WWOX: variants seen among roughly 807,000 people sequenced by gnomAD.
WWOX encodes WW domain-containing oxidoreductase.
A neutral mutation model predicts 46.2 loss-of-function variants in WWOX; 69 were observed. That is an observed-to-expected ratio of 1.49 (90% CI 1.23 to 1.82). The LOEUF is 1.82. WWOX is among the 40% of genes most tolerant of loss of function. The probability of loss-of-function intolerance (pLI) is 0.00; values close to 1 mark genes in which losing one functional copy is unlikely to be tolerated. For synonymous variants in WWOX, 359 were observed against 202.6 expected, an observed-to-expected ratio of 1.77 and a Z score of -6.56; for missense variants, 919 against 542.6, an observed-to-expected ratio of 1.69 and a Z score of -6.89.
intron 8 of WWOX, among the ~76,000 whole-genome samples, chr16:78,469,429 G>C (rs1462706433): frequency 6.6e-6 from 1 of 152,196 alleles, no homozygotes; most frequent in African/African-American, 2.4e-5. Flanking sequence ...CAAACCAAAA[G>C]TGAGCAACAA....
chr16:79,064,959 G>A (rs1178502373), intron 8 of WWOX, among the ~76,000 whole-genome samples: 2 of 152,158 alleles, frequency 1.3e-5, no homozygotes, highest in African/African-American at 2.4e-5. Context: ...TATAGAGATG[G>A]AGCATGGATG....
intron 8 of WWOX, among the ~76,000 whole-genome samples, chr16:79,024,846 A>C (rs1168796648): frequency 2.0e-5 from 3 of 152,204 alleles, no homozygotes; most frequent in African/African-American, 7.2e-5. Context: ...CTGGGATTAC[A>C]GGCGTGAGCC....
At chr16:78,785,567 A>G (rs1597606102) in intron 8 of WWOX, among the ~76,000 whole-genome samples, 4 of 152,346 alleles carry the variant, frequency 2.6e-5, no homozygotes, top group Admixed American at 2.6e-4. Flanking sequence ...TAAGAAGAAG[A>G]ATAGTATACA....
chr16:78,568,812 T>A (rs1372195804), intron 8 of WWOX, among the ~76,000 whole-genome samples: 2 of 152,228 alleles, frequency 1.3e-5, no homozygotes, highest in African/African-American at 4.8e-5. Flanking sequence ...GGCTGTTAGC[T>A]GTCACAATAT....
At chr16:78,744,891 C>T (rs759828898) in intron 8 of WWOX, among the ~76,000 whole-genome samples, 33 of 152,256 alleles carry the variant, frequency 2.2e-4, no homozygotes, top group Admixed American at 3.9e-4. Flanking sequence ...CTCTAGTTTT[C>T]CTCCAAGCTT....
At chr16:78,251,020 A>G (rs1007529073) in intron 5 of WWOX, among the ~76,000 whole-genome samples, 1 of 152,180 alleles carries the variant, frequency 6.6e-6, no homozygotes, top group Non-Finnish European at 1.5e-5. Flanking sequence ...AGCCCGGACC[A>G]CACATTCAGG....
At chr16:78,494,933 T>C (rs963319791) in intron 8 of WWOX, among the ~76,000 whole-genome samples, 3 of 152,214 alleles carry the variant, frequency 2.0e-5, no homozygotes, top group African/African-American at 7.2e-5. Flanking sequence ...CCTCTTTCGG[T>C]ACTTTGTTGC....
chr16:78,610,911 T>G (rs1017765340), intron 8 of WWOX, among the ~76,000 whole-genome samples: 1 of 152,102 alleles, frequency 6.6e-6, no homozygotes, highest in African/African-American at 2.4e-5. Context: ...CAATTTCTCA[T>G]TAAGCACAGG....
chr16:78,594,149 C>T (rs1422137033), intron 8 of WWOX, among the ~76,000 whole-genome samples: 4 of 152,006 alleles, frequency 2.6e-5, no homozygotes, highest in East Asian at 3.9e-4. Context: ...TAATGCCCAT[C>T]CTTTAACCTG....
intron 8 of WWOX, among the ~76,000 whole-genome samples, chr16:78,609,001 C>T (rs927041910): frequency 4.0e-5 from 6 of 151,616 alleles, no homozygotes; most frequent in Admixed American, 3.9e-4. Context: ...ATATTTGATT[C>T]TTCATATTTG....
intron 8 of WWOX, among the ~76,000 whole-genome samples, chr16:78,973,833 G>T (rs2046519418): frequency 1.3e-5 from 2 of 152,252 alleles, no homozygotes; most frequent in African/African-American, 4.8e-5. Context: ...GGGCTCATGA[G>T]CCGAGAGCCC....
intron 8 of WWOX, among the ~76,000 whole-genome samples, chr16:78,764,624 T>C (rs1019372070): frequency 4.1e-5 from 6 of 146,244 alleles, no homozygotes; most frequent in African/African-American, 1.3e-4. Context: ...GCTGCTATGG[T>C]TTGATTCCTG....
intron 5 of WWOX, among the ~76,000 whole-genome samples, chr16:78,220,306 A>T (rs1311858382): frequency 6.6e-6 from 1 of 152,166 alleles, no homozygotes; most frequent in Non-Finnish European, 1.5e-5. Flanking sequence ...CTGATTTCAT[A>T]CACTTAAATG....
chr16:78,504,008 A>C (rs1378326260), intron 8 of WWOX, among the ~76,000 whole-genome samples: 2 of 152,250 alleles, frequency 1.3e-5, no homozygotes, highest in Non-Finnish European at 2.9e-5. Context: ...TGATGAAATA[A>C]ATAACATTCA....
At chr16:78,416,048 C>G (rs574658548) in intron 6 of WWOX, among the ~76,000 whole-genome samples, 14 of 152,258 alleles carry the variant, frequency 9.2e-5, no homozygotes, top group Admixed American at 4.6e-4. Flanking sequence ...AGGCTCTAAA[C>G]AAGGAGGACA....
chr16:78,183,767 T>G (rs374597679), intron 5 of WWOX, among the ~76,000 whole-genome samples: 2 of 152,152 alleles, frequency 1.3e-5, no homozygotes, highest in African/African-American at 4.8e-5. Flanking sequence ...CAACAACTCT[T>G]GTGCCCACGA....
At chr16:78,747,189 CA>C (rs1450844273) in intron 8 of WWOX, among the ~76,000 whole-genome samples, 9 of 142,834 alleles carry the variant, frequency 6.3e-5, no homozygotes, top group Admixed American at 4.2e-4. Flanking sequence ...CTTTCTTGCC[CA>C]TTTTTTTTTT....
chr16:78,648,744 T>C (rs2046901196), intron 8 of WWOX, among the ~76,000 whole-genome samples: 1 of 152,202 alleles, frequency 6.6e-6, no homozygotes, highest in African/African-American at 2.4e-5. Flanking sequence ...TTCTTTTTTG[T>C]TTAACCATAA....
intron 8 of WWOX, among the ~76,000 whole-genome samples, chr16:78,678,141 G>C (rs1164594598): frequency 2.0e-5 from 3 of 152,130 alleles, no homozygotes; most frequent in Admixed American, 6.6e-5. Flanking sequence ...TTAAGGTTTT[G>C]TCTGCCTTGG....
Sources: allele counts gnomAD v4.1 joint callset (sites outside exome capture counted in the v4.1 genomes callset), GRCh38; gene constraint gnomAD v4.1.1; transcripts MANE v1.5; gene names NCBI Gene and HGNC (gene_info 2026-07-23, HGNC 2026-07-21).